Variants in GRM7 observed in about 807,000 individuals in gnomAD.
GRM7 encodes glutamate metabotropic receptor 7, also known as metabotropic glutamate receptor 7.
GRM7 carries 35 observed loss-of-function variants against 84.5 expected under a neutral mutation model. The ratio of observed to expected loss-of-function variants is 0.41; its 90% CI spans 0.32 to 0.55. The LOEUF is 0.55. Ranked by LOEUF, GRM7 falls within the 20% of genes least tolerant of loss-of-function variation. GRM7 has a pLI of 0.19. For synonymous variants in GRM7, 487 were observed against 455.1 expected, an observed-to-expected ratio of 1.07 and a Z score of -0.89; for missense variants, 1,003 against 1,194.6, an observed-to-expected ratio of 0.84 and a Z score of 2.36.
At chr3:7,314,089 G>A (rs922150965) in intron 4 of GRM7, among the ~76,000 whole-genome samples, 7 of 152,062 alleles carry the variant, frequency 4.6e-5, no homozygotes, top group African/African-American at 1.4e-4. Context: ...TTATATTATT[G>A]GAGGGTTTCA....
At chr3:7,390,841 G>A (rs922034907) in intron 4 of GRM7, among the ~76,000 whole-genome samples, 1 of 151,776 alleles carries the variant, frequency 6.6e-6, no homozygotes, top group Non-Finnish European at 1.5e-5. Context: ...TTCTATATCT[G>A]TCATTCCAGA....
At chr3:7,380,135 A>G (rs1694526664) in intron 4 of GRM7, among the ~76,000 whole-genome samples, 1 of 152,148 alleles carries the variant, frequency 6.6e-6, no homozygotes, top group Non-Finnish European at 1.5e-5. Context: ...TTTAGTTGCT[A>G]GAAAAAAAAA....
chr3:6,998,020 G>A (rs554989190), intron 1 of GRM7, among the ~76,000 whole-genome samples: 41 of 148,728 alleles, frequency 2.8e-4, no homozygotes, highest in African/African-American at 9.9e-4. Flanking sequence ...TTGGGAGGTT[G>A]AGGCAGGAGA....
intron 6 of GRM7, among the ~76,000 whole-genome samples, chr3:7,457,927 C>G (rs924289226): frequency 3.9e-5 from 6 of 152,132 alleles, no homozygotes; most frequent in Admixed American, 2.0e-4. Context: ...GCTGTCCCCA[C>G]AGAGCTCTGA....
chr3:7,271,562 T>TAA (rs71063298), intron 2 of GRM7, among the ~76,000 whole-genome samples: 117 of 88,770 alleles, frequency 1.3e-3, no homozygotes, highest in African/African-American at 4.2e-3. Context: ...CCGCCTCAAA[T>TAA]AAAAAAAAAA....
At chr3:7,099,285 T>C (rs1010758694) in intron 1 of GRM7, among the ~76,000 whole-genome samples, 1 of 146,806 alleles carries the variant, frequency 6.8e-6, no homozygotes, top group East Asian at 2.0e-4. Flanking sequence ...ATACATGTAT[T>C]ATACATGTAT....
At chr3:7,323,036 C>T (rs935935800) in intron 4 of GRM7, among the ~76,000 whole-genome samples, 5 of 152,088 alleles carry the variant, frequency 3.3e-5, no homozygotes, top group Non-Finnish European at 7.4e-5. Flanking sequence ...GTATGTTTGC[C>T]ACTGGAGTCT....
intron 1 of GRM7, among the ~76,000 whole-genome samples, chr3:6,911,213 G>T (rs1696758082): frequency 1.3e-5 from 2 of 151,908 alleles, no homozygotes; most frequent in African/African-American, 2.4e-5. Context: ...TTTTCTTCAT[G>T]TTTCTTGGCC....
intron 2 of GRM7, 99 bp from the exon 3 acceptor site, chr3:7,298,585 A>G (rs1699891545): frequency 2.1e-6 from 2 of 944,590 alleles, no homozygotes; most frequent in African/African-American, 1.6e-5. Flanking sequence ...GAAGTATTGC[A>G]TATCCGGGAT....
intron 4 of GRM7, among the ~76,000 whole-genome samples, chr3:7,385,063 G>A (rs186664048): frequency 1.8e-4 from 28 of 152,036 alleles, no homozygotes; most frequent in African/African-American, 6.5e-4. Context: ...TTTTCCCTTA[G>A]GGCTAAAGAA....
intron 2 of GRM7, among the ~76,000 whole-genome samples, chr3:7,286,011 AT>A (rs1346847819): frequency 1.3e-5 from 2 of 152,070 alleles, no homozygotes; most frequent in Admixed American, 1.3e-4. Context: ...CATTCCTTTG[AT>A]TTCTTTAACT....
At chr3:7,294,868 TTG>T (rs2125016080) in intron 2 of GRM7, among the ~76,000 whole-genome samples, 1 of 152,332 alleles carries the variant, frequency 6.6e-6, no homozygotes, top group Non-Finnish European at 1.5e-5. Context: ...GTTTGAAAGT[TTG>T]TGTGTTTATT....
intron 9 of GRM7, among the ~76,000 whole-genome samples, chr3:7,713,309 A>ATTTTCG (rs1701657080): frequency 6.6e-6 from 1 of 151,490 alleles, no homozygotes; most frequent in Non-Finnish European, 1.5e-5. Flanking sequence ...GCTAATTTTC[A>ATTTTCG]TATTTTTAGT....
intron 3 of GRM7, among the ~76,000 whole-genome samples, chr3:7,304,929 T>A (rs997364382): frequency 2.0e-5 from 3 of 152,172 alleles, no homozygotes; most frequent in African/African-American, 7.2e-5. Context: ...AATTCACATA[T>A]GAATAAGGCA....
rs549998026 is a variant in GRM7 at position 7,726,959 on chromosome 3, T to G, written c.2699-13398T>G. Among the ~76,000 whole-genome samples the G allele has an allele frequency of 9.9e-5, 15 of 152,142 alleles. No homozygotes were observed. The South Asian group carries it at 1.5e-3, about 15-fold the overall frequency. On this transcript the variant is annotated intron_variant, in intron 9 of 9. Coordinates refer to ENST00000357716, the MANE Select transcript of GRM7 (RefSeq NM_000844.4). ...AATCTAAAACAGTCTCATCACATTT[T>G]GTTTTGTCTTTTACAGCGTTGAAAT...
At chr3:7,222,913 A>G (rs1334686882) in intron 2 of GRM7, among the ~76,000 whole-genome samples, 1 of 152,136 alleles carries the variant, frequency 6.6e-6, no homozygotes, top group South Asian at 2.1e-4. Context: ...GTGTAAGAAT[A>G]TTTATCTCTT....
At chr3:7,456,137 AT>A (rs1407862871) in intron 6 of GRM7, among the ~76,000 whole-genome samples, 1 of 152,010 alleles carries the variant, frequency 6.6e-6, no homozygotes, top group African/African-American at 2.4e-5. Context: ...ATCATATTTC[AT>A]TTGCTGAGGT....
intron 7 of GRM7, among the ~76,000 whole-genome samples, chr3:7,513,432 T>C (rs533639378): frequency 3.9e-5 from 6 of 152,304 alleles, no homozygotes; most frequent in African/African-American, 1.4e-4. Context: ...CTATCTATTA[T>C]GCTAAACTCA....
intron 1 of GRM7, among the ~76,000 whole-genome samples, chr3:6,919,903 G>A (rs1697066879): frequency 6.6e-6 from 1 of 152,096 alleles, no homozygotes; most frequent in South Asian, 2.1e-4. Flanking sequence ...ACCAGGTGAG[G>A]TGCTAAAACT....
Sources: gnomAD v4.1 joint callset for allele counts (sites outside exome capture counted in the v4.1 genomes callset) on GRCh38, gnomAD v4.1.1 for gene constraint, MANE v1.5 for transcripts, NCBI Gene and HGNC (gene_info 2026-07-23, HGNC 2026-07-21) for gene names.